STK4: variants seen among roughly 807,000 people sequenced by gnomAD.
STK4 encodes serine/threonine kinase 4.
STK4 carries 30 observed loss-of-function variants against 64.9 expected under a neutral mutation model. That is an observed-to-expected ratio of 0.46 (90% confidence interval 0.35 to 0.63). STK4 has a LOEUF of 0.63. Ranked by LOEUF, STK4 falls within the 20% of genes least tolerant of loss-of-function variation. STK4 has a pLI of 0.01. For synonymous variants in STK4, 177 were observed against 199.0 expected (o/e 0.89, Z 0.93); for missense variants, 466 against 598.5 (o/e 0.78, Z 2.31).
At chr20:44,971,976 T>G in intron 1 of STK4, 102 bp from the exon 2 acceptor site, 1 of 1,135,706 alleles carries the variant, frequency 8.8e-7, no homozygotes, top group Non-Finnish European at 1.3e-6. Flanking sequence ...GAAGTCTGTA[T>G]AGAGAAGTTC....
chr20:44,974,720 C>G (rs971946127), intron 2 of STK4: 3 of 152,382 alleles, frequency 2.0e-5, no homozygotes, highest in African/African-American at 7.2e-5. Context: ...CTGCCTGCCT[C>G]AGCCTCCCAA....
intron 9 of STK4, among the ~76,000 whole-genome samples, chr20:45,009,878 T>C (rs1158449626): frequency 6.6e-6 from 1 of 152,208 alleles, no homozygotes; most frequent in African/African-American, 2.4e-5. Flanking sequence ...GTACATTTTT[T>C]TATCCTGAAA....
intron 7 of STK4, among the ~76,000 whole-genome samples, chr20:44,999,643 T>C (rs2067799333): frequency 6.6e-6 from 1 of 152,216 alleles, no homozygotes. Flanking sequence ...ATTAATGAAA[T>C]TCAGCAATAC....
At chr20:44,977,383 A>G (rs1311197177) in intron 2 of STK4, among the ~76,000 whole-genome samples, 1 of 150,178 alleles carries the variant, frequency 6.7e-6, no homozygotes, top group Non-Finnish European at 1.5e-5. Flanking sequence ...TGCTATTTTG[A>G]TTTTTTTTTT....
At chr20:45,071,188 A>T in intron 10 of STK4, among the ~76,000 whole-genome samples, 1 of 152,146 alleles carries the variant, frequency 6.6e-6, no homozygotes, top group East Asian at 1.9e-4. Context: ...ATCCTATGGG[A>T]TAGATGAGGT....
At chr20:45,036,014 G>A (rs1039097700) in intron 10 of STK4, among the ~76,000 whole-genome samples, 3 of 152,144 alleles carry the variant, frequency 2.0e-5, no homozygotes, top group Non-Finnish European at 4.4e-5. Flanking sequence ...GGAAGAATAA[G>A]TTCAAGAGAT....
At position 44,996,871 on chromosome 20, in the gene STK4, T is replaced by C. The variant is rs548943835; in HGVS notation, c.694-298T>C. Among the ~76,000 whole-genome samples the C allele has an allele frequency of 7.9e-5, 12 of 152,282 alleles. No individual in the cohort carries two copies. In the South Asian group the frequency reaches 2.3e-3, roughly 29 times the overall value. ...TGTAGATACTCTTAGGTCTCGCCTT[T>C]CTACTTTGAAAGGCAATGTACTGTG... On this transcript the variant is annotated intron_variant, in intron 6 of 10. Transcript: ENST00000372806.
chr20:45,000,283 T>G, intron 7 of STK4, 109 bp from the exon 8 acceptor site: 2 of 1,355,218 alleles, frequency 1.5e-6, no homozygotes, highest in Non-Finnish European at 2.0e-6. Context: ...AAGATCAGAT[T>G]CGTTGATTGA....
At chr20:45,063,706 C>T (rs184268447) in intron 10 of STK4, among the ~76,000 whole-genome samples, 35 of 152,134 alleles carry the variant, frequency 2.3e-4, no homozygotes, top group Middle Eastern at 3.4e-3. Context: ...GGTTATCTTC[C>T]ATGGTTTTTA....
At position 45,079,657 on chromosome 20, in the gene STK4, T is replaced by G. The variant is rs1223097358; in HGVS notation, c.*4481T>G. 1 of 152,652 alleles carries G rather than the reference T, an allele frequency of 6.6e-6. No homozygotes were observed. The highest frequency in any genetic ancestry group is 1.5e-5 in the Non-Finnish European group (1 of 68,032). 9.5% of individuals were successfully genotyped at this position (152,652 alleles called of 1,614,324 possible). ...TGGAAAAAAAAAAGCTTAAATGTTT[T>G]TGCTATGTACAGTTTAAAAATGTGA... On this transcript the variant is annotated 3_prime_UTR_variant, in exon 11 of 11. Transcript: ENST00000372806.
At chr20:44,996,849 A>G (rs1036783245) in intron 6 of STK4, among the ~76,000 whole-genome samples, 2 of 152,112 alleles carry the variant, frequency 1.3e-5, no homozygotes, top group Non-Finnish European at 2.9e-5. Context: ...TTTAGGATGT[A>G]GATACTCTTA....
chr20:45,057,947 A>G lies in STK4; in HGVS notation c.1306-17071A>G, dbSNP rs997906936. ...ATCCTAAAATATTTAGGCTATATAC[A>G]TACTAATGCTTTTACAGAATAAGGA... On this transcript the variant is annotated intron_variant, in intron 10 of 10. Coordinates refer to ENST00000372806, the MANE Select transcript of STK4 (RefSeq NM_006282.5). Among the ~76,000 whole-genome samples, 35 of 152,180 alleles carry G rather than the reference A, an allele frequency of 2.3e-4. 1 individual carries two copies. Among genetic ancestry groups the G allele is most frequent in the African/African-American group, 8.4e-4 (35 of 41,436 alleles).
intron 1 of STK4, among the ~76,000 whole-genome samples, chr20:44,969,773 AT>A (rs998586276): frequency 2.6e-5 from 4 of 152,210 alleles, no homozygotes; most frequent in Non-Finnish European, 5.9e-5. Flanking sequence ...AGAGAACTGT[AT>A]TATCAGAGTC....
intron 1 of STK4, 114 bp downstream of exon 1, chr20:44,966,717 G>C: frequency 8.6e-7 from 1 of 1,169,374 alleles, no homozygotes; most frequent in South Asian, 4.1e-5. Context: ...CCCAGCCGAT[G>C]GGGCACCTGC....
intron 9 of STK4, among the ~76,000 whole-genome samples, chr20:45,007,012 C>T (rs182965219): frequency 1.6e-4 from 24 of 152,062 alleles, no homozygotes; most frequent in African/African-American, 4.6e-4. Context: ...TGGAAGTTTT[C>T]GTTTTCTGGT....
rs1334328622 is a variant in STK4, at chr20:45,075,235, C to T, written c.*59C>T. ...CAGGCTTTGGGTGAATTCTGGATGGCTTGCCTCATGTTTGTTAGCCAGCAC... is the reference window on the plus strand; with the variant it reads ...CAGGCTTTGGGTGAATTCTGGATGGTTTGCCTCATGTTTGTTAGCCAGCAC... On this transcript the variant is annotated 3_prime_UTR_variant, in exon 11 of 11. Transcript: ENST00000372806. 1.1e-5 allele frequency: 17 copies of T among 1,582,408 alleles called. No homozygotes were observed. The highest frequency in any genetic ancestry group is 1.3e-5 in the Non-Finnish European group (15 of 1,166,094).
At chr20:44,970,452 A>G (rs2067223772) in intron 1 of STK4, 1 of 152,052 alleles carries the variant, frequency 6.6e-6, no homozygotes, top group Non-Finnish European at 1.5e-5. Flanking sequence ...TATACTTGAG[A>G]AGTGAGGTAT....
intron 5 of STK4, among the ~76,000 whole-genome samples, chr20:44,992,735 C>T (rs2067657536): frequency 1.3e-5 from 2 of 151,904 alleles, no homozygotes; most frequent in South Asian, 4.1e-4. Flanking sequence ...CGCTCTGTCA[C>T]CTAGGCTAGA....
In STK4 at chr20:45,074,930, C is replaced by G. The variant is rs1340488368; in HGVS notation, c.1306-88C>G. The G allele has an allele frequency of 3.9e-6, 6 of 1,533,964 alleles. No homozygotes were observed. The African/African-American group carries it at 8.2e-5, about 21-fold the overall frequency. ...AGTGTCTTCCTCCTGTCTCCCTTCC[C>G]TCTGGGTGCCTGGGAAGGCTGGGCT... is the stretch of plus-strand genomic sequence containing the variant. On this transcript the variant is annotated intron_variant, in intron 10 of 10. Transcript: ENST00000372806.
Sources: gnomAD v4.1 joint callset for allele counts (sites outside exome capture counted in the v4.1 genomes callset) on GRCh38, gnomAD v4.1.1 for gene constraint, MANE v1.5 for transcripts, NCBI Gene and HGNC (gene_info 2026-07-23, HGNC 2026-07-21) for gene names.